The following TEX14 variants were observed in gnomAD, a reference collection of about 807,000 sequenced individuals.
TEX14 encodes the protein inactive serine/threonine-protein kinase TEX14.
In TEX14, 168 loss-of-function variants were observed where a neutral mutation model predicts 178.6. The ratio of observed to expected loss-of-function variants is 0.94; its 90% CI spans 0.83 to 1.07. The LOEUF (loss-of-function observed/expected upper bound fraction) is 1.07, where lower values mean the gene tolerates loss of function less well. TEX14 is among the 50% of genes least tolerant of loss of function. TEX14 has a pLI of 0.00. For missense variants in TEX14, 1,730 were observed against 1,753.6 expected, an observed-to-expected ratio of 0.99 and a Z score of 0.24; for synonymous variants, 626 against 634.1, an observed-to-expected ratio of 0.99 and a Z score of 0.19.
At chr17:58,657,900 AT>A (rs1327402977) in intron 1 of TEX14, among the ~76,000 whole-genome samples, 2 of 152,188 alleles carry the variant, frequency 1.3e-5, no homozygotes, top group Admixed American at 1.3e-4. Flanking sequence ...ATGCTACAAG[AT>A]TCTGACCCTT....
intron 23 of TEX14, 139 bp from the exon 24 acceptor site, chr17:58,572,265 C>T: frequency 3.3e-6 from 2 of 598,292 alleles, no homozygotes; most frequent in South Asian, 4.3e-5. Context: ...AACAAACAAA[C>T]AAACAAACAA....
At chr17:58,563,621 T>TTATTTATATATA (rs2044316392) in intron 28 of TEX14, among the ~76,000 whole-genome samples, 1 of 46,480 alleles carries the variant, frequency 2.2e-5, no homozygotes, top group East Asian at 6.7e-4. Context: ...CATCTCTAAT[T>TTATTTATATATA]TATATATATA....
intron 5 of TEX14, among the ~76,000 whole-genome samples, chr17:58,618,475 A>C (rs1255528400): frequency 1.3e-5 from 2 of 152,186 alleles, no homozygotes; most frequent in African/African-American, 4.8e-5. Context: ...CCTTCACTGA[A>C]GGTGTCTTGG....
chr17:58,678,778 C>G (rs556022690), intron 1 of TEX14, among the ~76,000 whole-genome samples: 3 of 150,182 alleles, frequency 2.0e-5, no homozygotes, highest in Non-Finnish European at 3.0e-5. Context: ...ACATATGTAA[C>G]AAACCTGCAC....
chr17:58,680,309 A>G (rs2047479637), intron 1 of TEX14, among the ~76,000 whole-genome samples: 1 of 152,198 alleles, frequency 6.6e-6, no homozygotes, highest in South Asian at 2.1e-4. Context: ...TCCAGTCTAC[A>G]TATCTGAAAA....
In TEX14 at chr17:58,611,245, A is replaced by G; in HGVS notation, c.1100T>C (p.Ile367Thr). 1 of 1,613,770 alleles carries G rather than the reference A, an allele frequency of 6.2e-7. No individual in the cohort carries two copies. The highest frequency in any genetic ancestry group is 8.5e-7 in the Non-Finnish European group (1 of 1,179,692). Residue 367 changes from isoleucine to threonine, a missense_variant, in exon 10 of 32, where the codon ATC becomes ACC. Around this residue, in one of 2 missense-constraint regions of TEX14, gnomAD observed 789 missense variants for 681.2 expected, o/e 1.16. Transcript: ENST00000349033. ...AGCATAGGAGCTGAGGGAGCGGTGG[A>G]TAAACCCCTGGAAATGCAGGTATCT... Reference protein sequence around the residue: ...ALRYLHFQGFIHRSLSSYAVH... With the variant: ...ALRYLHFQGFTHRSLSSYAVH...
intron 1 of TEX14, among the ~76,000 whole-genome samples, chr17:58,686,502 A>G (rs1334002825): frequency 1.3e-5 from 2 of 152,180 alleles, no homozygotes; most frequent in Admixed American, 6.6e-5. Flanking sequence ...TCTGGACGGC[A>G]GAGGGTCAGG....
At chr17:58,648,954 T>C (rs2046779350) in intron 2 of TEX14, among the ~76,000 whole-genome samples, 1 of 148,876 alleles carries the variant, frequency 6.7e-6, no homozygotes, top group Non-Finnish European at 1.5e-5. Context: ...TGCGCCCAGC[T>C]AAATTTTTGT....
intron 6 of TEX14, among the ~76,000 whole-genome samples, chr17:58,617,266 A>T (rs2144532810): frequency 6.6e-6 from 1 of 152,328 alleles, no homozygotes; most frequent in South Asian, 2.1e-4. Context: ...AATAATAATT[A>T]AAAATTAAAA....
intron 1 of TEX14, chr17:58,679,717 A>T (rs1377097680): frequency 6.6e-6 from 1 of 152,046 alleles, no homozygotes; most frequent in Non-Finnish European, 1.5e-5. Context: ...CTGAGAGTTC[A>T]CCCTTAGATT....
chr17:58,685,367 T>C (rs533806646), intron 1 of TEX14, among the ~76,000 whole-genome samples: 2 of 139,758 alleles, frequency 1.4e-5, no homozygotes, highest in East Asian at 4.2e-4. Context: ...ACGTGGGAGG[T>C]GGAGGTTGCA....
intron 1 of TEX14, among the ~76,000 whole-genome samples, chr17:58,688,444 G>A (rs148117270): frequency 3.9e-5 from 6 of 152,218 alleles, no homozygotes; most frequent in Non-Finnish European, 7.4e-5. Context: ...TTTAAAAAAC[G>A]TCTCAGCATT....
Position 58,604,970 on chromosome 17 carries a change from T to C in TEX14, c.1336+8A>G, listed in dbSNP as rs1567730773. On this transcript the variant is annotated splice_region_variant and intron_variant, in intron 11 of 31. Coordinates refer to ENST00000349033, the MANE Select transcript of TEX14 (RefSeq NM_031272.5). ...GACTTTGGTCAACCATTAATGATCT[T>C]GATCTACCTGTTAAAATCTCCTGCA... 1.2e-6 allele frequency: 2 copies of C among 1,613,674 alleles called. No homozygotes were observed. The highest frequency in any genetic ancestry group is 2.7e-5 in the African/African-American group (2 of 74,916).
At chr17:58,684,595 T>C (rs2047559628) in intron 1 of TEX14, among the ~76,000 whole-genome samples, 1 of 151,766 alleles carries the variant, frequency 6.6e-6, no homozygotes, top group Non-Finnish European at 1.5e-5. Context: ...ATCGTGCCAC[T>C]GCACTCCAGC....
At position 58,569,236 on chromosome 17, in the gene TEX14, A is replaced by G. The variant is rs780493238; in HGVS notation, c.3842T>C (p.Ile1281Thr). 1 of 1,614,074 alleles carries G rather than the reference A, an allele frequency of 6.2e-7. No homozygotes were observed. The change falls in exon 26 of 32, where the codon ATT (isoleucine) becomes ACT (threonine). Residue 1281 changes from isoleucine to threonine, a missense_variant. Physicochemically the swap from Ile to Thr is moderately conservative, Grantham distance 89. Coordinates refer to ENST00000349033, the MANE Select transcript of TEX14 (RefSeq NM_031272.5). This position sits in a 1 kb window ranked among gnomAD's most constrained non-coding sequence, Gnocchi z 4.1. ...PKVEAFSQHHIDELPPPSQEL... is the reference protein window; with the variant it reads ...PKVEAFSQHHTDELPPPSQEL... ...CTGAGATGGTGGTGGCAGCTCATCAATGTGATGCTGTGAGAAGGCTTCTAC... is the reference window on the plus strand; with the variant it reads ...CTGAGATGGTGGTGGCAGCTCATCAGTGTGATGCTGTGAGAAGGCTTCTAC...
intron 1 of TEX14, chr17:58,660,782 TACCAGTC>T: frequency 1.3e-6 from 1 of 781,340 alleles, no homozygotes; most frequent in South Asian, 1.3e-5. Flanking sequence ...ATGTTGATCA[TACCAGTC>T]ACTCACTGTC....
intron 2 of TEX14, among the ~76,000 whole-genome samples, chr17:58,632,161 C>T (rs1452678036): frequency 6.6e-6 from 1 of 152,126 alleles, no homozygotes; most frequent in African/African-American, 2.4e-5. Flanking sequence ...GGGAAACTGC[C>T]CGGTTTGGAC....
intron 1 of TEX14, chr17:58,666,614 G>C (rs982189473): frequency 6.6e-6 from 1 of 152,128 alleles, no homozygotes. Flanking sequence ...AAATCGTAGG[G>C]ATCAGCACAA....
At chr17:58,615,626 G>A (rs536349727) in intron 7 of TEX14, among the ~76,000 whole-genome samples, 1 of 151,900 alleles carries the variant, frequency 6.6e-6, no homozygotes, top group South Asian at 2.1e-4. Flanking sequence ...TGTGGGGAAT[G>A]GGTAGGGGAG....
Sources: allele counts gnomAD v4.1 joint callset (sites outside exome capture counted in the v4.1 genomes callset), GRCh38; gene constraint gnomAD v4.1.1; regional missense constraint gnomAD v4.1.1; non-coding constraint Gnocchi (gnomAD v3.1); transcripts MANE v1.5; gene names NCBI Gene and HGNC (gene_info 2026-07-23, HGNC 2026-07-21).